The following RASGEF1C variants were observed in gnomAD, a reference collection of about 807,000 sequenced individuals.
RASGEF1C encodes ras-GEF domain-containing family member 1C.
A neutral mutation model predicts 58.1 loss-of-function variants in RASGEF1C; 27 were observed. The ratio of observed to expected loss-of-function variants is 0.46; its 90% CI spans 0.34 to 0.64. The LOEUF (loss-of-function observed/expected upper bound fraction) is 0.64. RASGEF1C is among the 30% of genes least tolerant of loss of function. RASGEF1C has a pLI of 0.01. For missense variants in RASGEF1C, 502 were observed against 605.1 expected, an observed-to-expected ratio of 0.83 and a Z score of 1.79; for synonymous variants, 243 against 246.3, an observed-to-expected ratio of 0.99 and a Z score of 0.13.
At chr5:180,187,290 T>C (rs1361490780) in intron 1 of RASGEF1C, among the ~76,000 whole-genome samples, 3 of 152,178 alleles carry the variant, frequency 2.0e-5, no homozygotes, top group Admixed American at 2.0e-4. Context: ...GAGACCTATA[T>C]ATACGAGCTA....
intron 1 of RASGEF1C, among the ~76,000 whole-genome samples, chr5:180,183,737 C>T (rs1021327575): frequency 2.6e-5 from 4 of 151,568 alleles, no homozygotes; most frequent in South Asian, 4.2e-4. Context: ...GCAGGAGAAT[C>T]GCTTGAACCA....
intron 12 of RASGEF1C, among the ~76,000 whole-genome samples, chr5:180,105,675 C>T (rs1397465188): frequency 6.6e-6 from 1 of 151,776 alleles, no homozygotes; most frequent in African/African-American, 2.4e-5. Context: ...CGAGACCAGC[C>T]TGACCAACAT....
Position 180,163,175 on chromosome 5 carries a change from A to C in RASGEF1C, c.-6-25117T>G, listed in dbSNP as rs948012231. Among the ~76,000 whole-genome samples, 5 of 147,722 alleles carry C rather than the reference A, an allele frequency of 3.4e-5. No individual in the cohort carries two copies. In the South Asian group the frequency reaches 1.1e-3, roughly 32 times the overall value. On this transcript the variant is annotated intron_variant, in intron 1 of 13. Coordinates refer to ENST00000361132, the MANE Select transcript of RASGEF1C (RefSeq NM_175062.4). ...ATTATCATGTTGTCTGTAAACAGAC[A>C]GTTTTAGTTCTTGCCTTCCAATCTG... is the stretch of plus-strand genomic sequence containing the variant.
intron 1 of RASGEF1C, among the ~76,000 whole-genome samples, chr5:180,151,244 AC>A (rs1434999798): frequency 1.3e-5 from 2 of 152,030 alleles, no homozygotes; most frequent in Non-Finnish European, 2.9e-5. Context: ...ACCAAAAAAG[AC>A]CCCCGCATTG....
At chr5:180,174,448 G>A (rs1767177114) in intron 1 of RASGEF1C, among the ~76,000 whole-genome samples, 2 of 136,306 alleles carry the variant, frequency 1.5e-5, no homozygotes, top group Admixed American at 7.3e-5. Context: ...GTCTGTGCAT[G>A]TGCGTGTGTG....
intron 1 of RASGEF1C, among the ~76,000 whole-genome samples, chr5:180,200,004 G>C (rs1232248299): frequency 6.6e-6 from 1 of 152,160 alleles, no homozygotes; most frequent in Non-Finnish European, 1.5e-5. Flanking sequence ...GCTCACGCCT[G>C]TAATCTCAGC....
intron 1 of RASGEF1C, among the ~76,000 whole-genome samples, chr5:180,199,367 C>A (rs1218766202): frequency 6.6e-6 from 1 of 152,182 alleles, no homozygotes; most frequent in Non-Finnish European, 1.5e-5. Flanking sequence ...GCCTTCATCA[C>A]TGACCGGATC....
chr5:180,127,888 G>A (rs904338765), intron 5 of RASGEF1C, among the ~76,000 whole-genome samples: 15 of 152,298 alleles, frequency 9.8e-5, no homozygotes, highest in African/African-American at 2.9e-4. Context: ...CTCCTTTCCC[G>A]GTTCATGGGG....
rs34192976 is a variant in RASGEF1C at position 180,121,318 on chromosome 5, AT to A, written c.715-170del. ...ACGCTTTCAGTCCTCTTAAAAGTAC[AT>A]TTTTTTTTTTTTGAGACGGAGTCCC... On this transcript the variant is annotated intron_variant, in intron 6 of 13. Transcript: ENST00000361132. 2.3e-3 allele frequency among the ~76,000 whole-genome samples: 335 copies of A among 147,702 alleles called. 1 individual carries two copies. The highest frequency in any genetic ancestry group is 6.7e-3 in the African/African-American group (271 of 40,250).
At chr5:180,132,548 C>T (rs75074423) in intron 4 of RASGEF1C, among the ~76,000 whole-genome samples, 2,255 of 152,278 alleles carry the variant, frequency 0.015, 63 homozygotes, top group African/African-American at 0.051. Context: ...CGCAGGAGCT[C>T]GTGAGGCTCC....
At chr5:180,141,991 T>C (rs1466701857) in intron 1 of RASGEF1C, among the ~76,000 whole-genome samples, 1 of 152,206 alleles carries the variant, frequency 6.6e-6, no homozygotes, top group Non-Finnish European at 1.5e-5. Context: ...AATTGTTTAT[T>C]GTTACAATAT....
intron 12 of RASGEF1C, among the ~76,000 whole-genome samples, chr5:180,109,570 T>G (rs1466369419): frequency 6.6e-6 from 1 of 152,182 alleles, no homozygotes; most frequent in Non-Finnish European, 1.5e-5. Context: ...CTTACAGACA[T>G]GATTAAATGA....
intron 1 of RASGEF1C, among the ~76,000 whole-genome samples, chr5:180,171,911 C>A (rs531909478): frequency 6.6e-6 from 1 of 152,254 alleles, no homozygotes; most frequent in African/African-American, 2.4e-5. Context: ...GCGGGCCCCT[C>A]AGCTGTCGGA....
In RASGEF1C at chr5:180,143,360, G is replaced by A. The variant is rs1766613029; in HGVS notation, c.-6-5302C>T. On this transcript the variant is annotated intron_variant, in intron 1 of 13. Coordinates refer to ENST00000361132, the MANE Select transcript of RASGEF1C (RefSeq NM_175062.4). The surrounding 1 kb of genome is among the most constrained non-coding windows in gnomAD (Gnocchi z 4.3). ...TATGGGAGACGGGAAATGTGTGCAG[G>A]GACAGGGGCACCATGTGGTGCGTTT... Among the ~76,000 whole-genome samples, 1 of 152,202 alleles carries A rather than the reference G, an allele frequency of 6.6e-6. No individual in the cohort carries two copies. The highest frequency in any genetic ancestry group is 1.9e-4 in the East Asian group (1 of 5,180).
At chr5:180,108,116 T>C (rs1412250770) in intron 12 of RASGEF1C, among the ~76,000 whole-genome samples, 5 of 152,078 alleles carry the variant, frequency 3.3e-5, no homozygotes, top group Non-Finnish European at 7.4e-5. Context: ...TTTCCTCTCC[T>C]CCACAGACTG....
In RASGEF1C at chr5:180,198,086, G is replaced by A. The variant is rs754264886; in HGVS notation, c.-7+10942C>T. Among the ~76,000 whole-genome samples, 4 of 152,190 alleles carry A rather than the reference G, an allele frequency of 2.6e-5. No individual in the cohort carries two copies. Among genetic ancestry groups the A allele is most frequent in the Middle Eastern group, 3.2e-3 (1 of 316 alleles). On this transcript the variant is annotated intron_variant, in intron 1 of 13. Transcript: ENST00000361132. This position sits in a 1 kb window ranked among gnomAD's most constrained non-coding sequence, Gnocchi z 4.5. The stretch of plus-strand genomic sequence containing the variant: ...CCTTTCACAGATGAGTCTGTAGGAC[G>A]CTTCCTGGACAGGCTTATGGGGCGT...
chr5:180,151,578 T>G (rs1425690370), intron 1 of RASGEF1C, among the ~76,000 whole-genome samples: 2 of 151,990 alleles, frequency 1.3e-5, no homozygotes, highest in Non-Finnish European at 2.9e-5. Flanking sequence ...CAAGATGGAT[T>G]AAAGACTTAA....
At chr5:180,204,647 T>TATCTATCTC (rs1416218456) in intron 1 of RASGEF1C, among the ~76,000 whole-genome samples, 3 of 151,866 alleles carry the variant, frequency 2.0e-5, no homozygotes, top group Admixed American at 6.6e-5. Flanking sequence ...TCTATCTATC[T>TATCTATCTC]ATCTATCTAT....
At chr5:180,150,160 T>G (rs1561743823) in intron 1 of RASGEF1C, among the ~76,000 whole-genome samples, 1 of 152,252 alleles carries the variant, frequency 6.6e-6, no homozygotes, top group South Asian at 2.1e-4. Flanking sequence ...AGATCTGCTT[T>G]TGAATACCTC....
Sources: gnomAD v4.1 joint callset for allele counts (sites outside exome capture counted in the v4.1 genomes callset) on GRCh38, gnomAD v4.1.1 for gene constraint, Gnocchi (gnomAD v3.1) non-coding constraint, MANE v1.5 for transcripts, NCBI Gene and HGNC (gene_info 2026-07-23, HGNC 2026-07-21) for gene names.